The following ABCC3 variants were observed in gnomAD, a reference collection of about 807,000 sequenced individuals.
ABCC3 encodes the protein ATP-binding cassette sub-family C member 3.
A neutral mutation model predicts 165.3 loss-of-function variants in ABCC3; 121 were observed. The observed-to-expected ratio is 0.73, with a 90% CI of 0.63 to 0.85. The LOEUF (loss-of-function observed/expected upper bound fraction) is 0.85. Ranked by LOEUF, ABCC3 falls within the 40% of genes least tolerant of loss-of-function variation. The pLI is 0.00. For missense variants in ABCC3, 1,869 were observed against 1,964.1 expected, an observed-to-expected ratio of 0.95 and a Z score of 0.92; for synonymous variants, 733 against 810.1, an observed-to-expected ratio of 0.90 and a Z score of 1.62.
chr17:50,670,577 A>G (rs759472875), intron 17 of ABCC3, among the ~76,000 whole-genome samples: 1 of 152,256 alleles, frequency 6.6e-6, no homozygotes, highest in Non-Finnish European at 1.5e-5. Context: ...AGAGATAATA[A>G]GTAAGATAAA....
intron 1 of ABCC3, among the ~76,000 whole-genome samples, chr17:50,645,054 A>G (rs1418415405): frequency 6.6e-6 from 1 of 151,348 alleles, no homozygotes; most frequent in African/African-American, 2.4e-5. Context: ...AACAAAAATT[A>G]GCCTGGCGTA....
At chr17:50,659,515 C>T (rs988964625) in intron 7 of ABCC3, 147 bp downstream of exon 7, 4 of 971,532 alleles carry the variant, frequency 4.1e-6, no homozygotes, top group Non-Finnish European at 5.8e-6. Context: ...CGGGACCATT[C>T]TATGGGAAGC....
chr17:50,660,880 C>A, intron 7 of ABCC3, 43 bp from the exon 8 acceptor site: 1 of 1,536,054 alleles, frequency 6.5e-7, no homozygotes, highest in South Asian at 1.2e-5. Context: ...CCTGGAGCCC[C>A]TGTCCCCATT....
chr17:50,681,269 C>G (rs556537042), intron 26 of ABCC3, among the ~76,000 whole-genome samples: 1 of 152,272 alleles, frequency 6.6e-6, no homozygotes, highest in East Asian at 1.9e-4. Context: ...CTGACACCTC[C>G]ATAAAAAGTA....
chr17:50,656,040 G>A lies in ABCC3; in HGVS notation c.222+32G>A, dbSNP rs566346213. ...GGCTCAGGGATCTCCTACCGATGGG[G>A]CTGGGCCCTGGGGATTCTGCTTTTA... On this transcript the variant is annotated intron_variant, in intron 2 of 30. Coordinates refer to ENST00000285238, the MANE Select transcript of ABCC3 (RefSeq NM_003786.4). 3.2e-6 allele frequency: 5 copies of A among 1,552,166 alleles called. No homozygotes were observed. The Admixed American group carries it at 7.6e-5, about 24-fold the overall frequency.
intron 11 of ABCC3, 51 bp downstream of exon 11, chr17:50,665,296 C>T (rs746021191): frequency 2.5e-6 from 4 of 1,571,344 alleles, no homozygotes; most frequent in Non-Finnish European, 3.5e-6. Flanking sequence ...CGGCCGGCTG[C>T]CTGGGGGAAG....
chr17:50,649,574 CTT>C (rs947461787), intron 1 of ABCC3, among the ~76,000 whole-genome samples: 5 of 119,876 alleles, frequency 4.2e-5, no homozygotes, highest in South Asian at 3.2e-4. Context: ...CAGAGTGAGA[CTT>C]TGTCAAAAAA....
chr17:50,660,238 G>A (rs182511029), intron 7 of ABCC3, among the ~76,000 whole-genome samples: 1 of 152,218 alleles, frequency 6.6e-6, no homozygotes, highest in East Asian at 1.9e-4. Context: ...TCCCCTGAGG[G>A]GTCTTCCCAC....
chr17:50,691,121 CT>C lies in ABCC3; in HGVS notation c.4506del (p.Glu1503AsnfsTer30). The C allele has an allele frequency of 6.2e-7, 1 of 1,614,098 alleles. No homozygotes were observed. Reference sequence around the variant, plus strand: ...CTGGTCCTGGACAAAGGAGTAGTAGCTGAATTTGATTCTCCAGCCAACCTCA... The same window carrying C: ...CTGGTCCTGGACAAAGGAGTAGTAGCGAATTTGATTCTCCAGCCAACCTCA... ...RVLVLDKGVV[A>X]EFDSPANLIA... On this transcript the variant is annotated frameshift_variant, in exon 31 of 31. Transcript: ENST00000285238. LOFTEE classifies it high-confidence loss of function.
intron 1 of ABCC3, among the ~76,000 whole-genome samples, chr17:50,636,596 G>A (rs1343684618): frequency 6.6e-6 from 1 of 152,196 alleles, no homozygotes; most frequent in East Asian, 1.9e-4. Flanking sequence ...GGCCAGGCTG[G>A]TATGACCGTG....
chr17:50,659,909 C>T (rs1373371387), intron 7 of ABCC3, among the ~76,000 whole-genome samples: 2 of 152,102 alleles, frequency 1.3e-5, no homozygotes, highest in Admixed American at 6.5e-5. Flanking sequence ...TCATTTGAGC[C>T]CAAGAGGTCA....
intron 6 of ABCC3, 115 bp from the exon 7 acceptor site, chr17:50,659,122 G>C: frequency 7.7e-7 from 1 of 1,305,252 alleles, no homozygotes; most frequent in Non-Finnish European, 1.1e-6. Context: ...CACAGTGCCC[G>C]AGGGAGACCC....
chr17:50,667,750 C>T lies in ABCC3; in HGVS notation c.1628C>T (p.Pro543Leu). 6.2e-7 allele frequency: 1 copy of T among 1,614,116 alleles called. No individual in the cohort carries two copies. The highest frequency in any genetic ancestry group is 2.2e-5 in the East Asian group (1 of 44,870). ...TTTTFTWMCS[P>L]FLVTLITLWV... ...ACCACCTTCACCTGGATGTGCAGCC[C>T]CTTCCTGGTGAGGCTTGGCACAGGG... is the stretch of plus-strand genomic sequence containing the variant. Residue 543 changes from proline (P) to leucine (L), a missense_variant, in exon 12 of 31, where the codon CCC (proline) becomes CTC (leucine). Transcript: ENST00000285238.
At chr17:50,643,664 G>C (rs1275847593) in intron 1 of ABCC3, 1 of 456,080 alleles carries the variant, frequency 2.2e-6, no homozygotes, top group Non-Finnish European at 4.4e-6. Flanking sequence ...TGAAGAAGGT[G>C]GGTTTTCAGC....
chr17:50,687,370 T>C (rs1300352324), intron 29 of ABCC3, 166 bp from the exon 30 acceptor site: 1 of 634,962 alleles, frequency 1.6e-6, no homozygotes, highest in Non-Finnish European at 2.7e-6. Context: ...ATCCCAATGG[T>C]GTCCAGACCT....
rs777729581 is a variant in ABCC3 at position 50,675,727 on chromosome 17, G to A, written c.2811G>A (p.Ala937=). ...GPSEKVQVTE[A]KADGALTQEE... is the part of the protein sequence containing the mutation. ...CAGAGAAGGTGCAGGTGACAGAGGC[G>A]AAGGCAGATGGGGCACTGACCCAGG... The change falls in exon 21 of 31, where the codon GCG becomes GCA. Residue 937 remains alanine (A), a synonymous_variant. Coordinates refer to ENST00000285238, the MANE Select transcript of ABCC3 (RefSeq NM_003786.4). 10 of 1,564,006 alleles carry A rather than the reference G, an allele frequency of 6.4e-6. No homozygotes were observed. In the Admixed American group the frequency reaches 7.7e-5, roughly 12 times the overall value.
chr17:50,676,044 C>G lies in ABCC3; in HGVS notation c.3021C>G (p.Asn1007Lys). The G allele has an allele frequency of 1.9e-6, 3 of 1,614,204 alleles. No homozygotes were observed. Among genetic ancestry groups the G allele is most frequent in the Non-Finnish European group, 2.5e-6 (3 of 1,180,038 alleles). Residue 1007 changes from asparagine (N) to lysine (K), a missense_variant, in exon 22 of 31, where the codon AAC becomes AAG. Transcript: ENST00000285238. ...CCATGGCAGACAGTAGACAGAACAA[C>G]ACTTCCCTGAGGCTGGGCGTCTATG... is the stretch of plus-strand genomic sequence containing the variant. ...NDAMADSRQN[N>K]TSLRLGVYAA... is the part of the protein sequence containing the mutation.
chr17:50,664,212 T>C (rs1967469507), intron 10 of ABCC3, 101 bp downstream of exon 10: 1 of 1,487,244 alleles, frequency 6.7e-7, no homozygotes, highest in Admixed American at 1.8e-5. Context: ...ATGCTTGTAG[T>C]CCCAGCTGCT....
chr17:50,668,373 T>C lies in ABCC3; in HGVS notation c.1783-57T>C. On this transcript the variant is annotated intron_variant, in intron 13 of 30. Transcript: ENST00000285238. ...CAGGATGCTGGGGATGGGGCGAGGG[T>C]AGGGGTTGGGGGTTGGGAAAGTACA... 8 of 1,475,478 alleles carry C rather than the reference T, an allele frequency of 5.4e-6. No individual in the cohort carries two copies. In the South Asian group the frequency reaches 9.2e-5, roughly 17 times the overall value. The allele number at this position is 1,475,478 out of a possible 1,614,324, so 91.4% of individuals were successfully genotyped here. A position where few individuals can be genotyped will look rare whatever the true frequency, so the allele number is the denominator to read the frequency against.
Sources: gnomAD v4.1 joint callset for allele counts (sites outside exome capture counted in the v4.1 genomes callset) on GRCh38, gnomAD v4.1.1 for gene constraint, MANE v1.5 for transcripts, NCBI Gene and HGNC (gene_info 2026-07-23, HGNC 2026-07-21) for gene names.